PCDH15: variants seen among roughly 807,000 people sequenced by gnomAD.
PCDH15 encodes the protein protocadherin related 15.
A neutral mutation model predicts 178.5 loss-of-function variants in PCDH15; 129 were observed. The observed-to-expected ratio is 0.72, with a 90% CI of 0.63 to 0.84. PCDH15 has a LOEUF of 0.84. PCDH15 is among the 40% of genes least tolerant of loss of function. The pLI, the probability that PCDH15 is intolerant of heterozygous loss-of-function variation, is 0.00. For missense variants in PCDH15, 2,230 were observed against 2,099.9 expected, an observed-to-expected ratio of 1.06 and a Z score of -1.21; for synonymous variants, 800 against 732.0, an observed-to-expected ratio of 1.09 and a Z score of -1.50.
chr10:54,272,472 G>T (rs1040234031), intron 8 of PCDH15, among the ~76,000 whole-genome samples: 2 of 151,770 alleles, frequency 1.3e-5, no homozygotes, highest in African/African-American at 2.4e-5. Flanking sequence ...GTAATTTGAT[G>T]ACAGTGGATA....
chr10:54,057,662 T>C (rs1222490041), intron 18 of PCDH15, among the ~76,000 whole-genome samples: 1 of 152,156 alleles, frequency 6.6e-6, no homozygotes, highest in African/African-American at 2.4e-5. Context: ...CTGGAGACAT[T>C]TCCCCCATTG....
At position 54,790,689 on chromosome 10, in the gene PCDH15, A is replaced by G. The variant is rs555941603; in HGVS notation, c.-29+10236T>C. On this transcript the variant is annotated intron_variant, in intron 1 of 37. Transcript: ENST00000644397. ...ATACATGAAAAATAATAAACACTGAACAATTACACGTGAAGATATATATGT... is the reference window on the plus strand; with the variant it reads ...ATACATGAAAAATAATAAACACTGAGCAATTACACGTGAAGATATATATGT... Among the ~76,000 whole-genome samples the G allele has an allele frequency of 2.6e-5, 4 of 152,050 alleles. No individual in the cohort carries two copies. In the South Asian group the frequency reaches 8.3e-4, roughly 31 times the overall value.
chr10:54,111,078 C>T (rs888653049), intron 15 of PCDH15, among the ~76,000 whole-genome samples: 5 of 152,152 alleles, frequency 3.3e-5, no homozygotes, highest in Non-Finnish European at 7.4e-5. Flanking sequence ...GAGTATACTT[C>T]ACTAACATGG....
At chr10:53,886,420 A>G (rs1454921512) in intron 26 of PCDH15, among the ~76,000 whole-genome samples, 1 of 152,050 alleles carries the variant, frequency 6.6e-6, no homozygotes, top group African/African-American at 2.4e-5. Context: ...AATGTCCTTT[A>G]TATATTATAT....
In PCDH15 at chr10:54,647,878, G is replaced by A. The variant is rs187531711; in HGVS notation, c.91+16294C>T. On this transcript the variant is annotated intron_variant, in intron 2 of 37. Transcript: ENST00000644397. ...TAGGACCTGAGTTGGGATAGGTCCTGTTTCTTACTCCTTCTTCCCTATTAC... is the reference window on the plus strand; with the variant it reads ...TAGGACCTGAGTTGGGATAGGTCCTATTTCTTACTCCTTCTTCCCTATTAC... 3.2e-3 allele frequency among the ~76,000 whole-genome samples: 483 copies of A among 152,066 alleles called. 3 individuals are homozygous for A. The highest frequency in any genetic ancestry group is 0.014 in the Middle Eastern group (4 of 294).
chr10:54,855,166 G>T (rs537982189), intron 3 of PCDH15, among the ~76,000 whole-genome samples: 1 of 152,320 alleles, frequency 6.6e-6, no homozygotes, highest in South Asian at 2.1e-4. Context: ...GGCAGTGGTA[G>T]CAGGCATTTT....
chr10:54,416,413 A>G (rs944718411), intron 3 of PCDH15, among the ~76,000 whole-genome samples: 5 of 151,960 alleles, frequency 3.3e-5, no homozygotes, highest in East Asian at 1.9e-4. Context: ...GTTGGGCATG[A>G]TATCTTCGAG....
intron 8 of PCDH15, among the ~76,000 whole-genome samples, chr10:54,246,036 T>G (rs985119737): frequency 6.6e-6 from 1 of 151,976 alleles, no homozygotes; most frequent in South Asian, 2.1e-4. Flanking sequence ...TGACAATATA[T>G]GTAGCTTAAA....
chr10:54,860,246 C>T (rs952349923), intron 3 of PCDH15, among the ~76,000 whole-genome samples: 1 of 151,902 alleles, frequency 6.6e-6, no homozygotes, highest in Non-Finnish European at 1.5e-5. Context: ...ATTCTATCAC[C>T]CAGGTAGTGA....
At chr10:55,591,692 A>C (rs1270814646) in intron 2 of PCDH15, among the ~76,000 whole-genome samples, 1 of 152,150 alleles carries the variant, frequency 6.6e-6, no homozygotes, top group Non-Finnish European at 1.5e-5. Flanking sequence ...AGGCAGGAAA[A>C]CCTGGCTAGG....
chr10:54,524,682 T>C (rs1646400241), intron 3 of PCDH15, among the ~76,000 whole-genome samples: 1 of 152,306 alleles, frequency 6.6e-6, no homozygotes, highest in South Asian at 2.1e-4. Context: ...GATAATGTGA[T>C]CTGTTTCTCT....
intron 2 of PCDH15, among the ~76,000 whole-genome samples, chr10:54,612,945 A>G (rs2093010723): frequency 6.6e-6 from 1 of 151,860 alleles, no homozygotes; most frequent in Non-Finnish European, 1.5e-5. Context: ...AAGATAATAA[A>G]TGAAACTCTA....
chr10:54,000,088 C>A (rs1482111658), intron 20 of PCDH15, among the ~76,000 whole-genome samples: 1 of 152,172 alleles, frequency 6.6e-6, no homozygotes, highest in African/African-American at 2.4e-5. Flanking sequence ...TATCCAAGAC[C>A]ATTAAGGTAG....
chr10:54,515,617 C>A (rs7087574), intron 3 of PCDH15, among the ~76,000 whole-genome samples: 2 of 152,108 alleles, frequency 1.3e-5, no homozygotes, highest in Non-Finnish European at 2.9e-5. Flanking sequence ...TTGTCTGACA[C>A]CTTTGAAGAG....
At chr10:54,508,227 A>G (rs2081331227) in intron 3 of PCDH15, among the ~76,000 whole-genome samples, 1 of 151,970 alleles carries the variant, frequency 6.6e-6, no homozygotes, top group Non-Finnish European at 1.5e-5. Flanking sequence ...CACATCAAAA[A>G]CCTTAGCCAG....
At chr10:53,812,983 C>T (rs1441706834) in intron 35 of PCDH15, among the ~76,000 whole-genome samples, 1 of 152,114 alleles carries the variant, frequency 6.6e-6, no homozygotes, top group Non-Finnish European at 1.5e-5. Context: ...GATAAAGACC[C>T]TCAGTTGTGC....
intron 1 of PCDH15, among the ~76,000 whole-genome samples, chr10:55,211,136 A>G (rs1322580775): frequency 1.3e-5 from 2 of 152,102 alleles, no homozygotes; most frequent in East Asian, 1.9e-4. Context: ...AGATGTGATG[A>G]AGGCAGTGGT....
intron 8 of PCDH15, among the ~76,000 whole-genome samples, chr10:54,314,130 T>TACACAC (rs58949602): frequency 1.0e-4 from 15 of 149,716 alleles, no homozygotes; most frequent in South Asian, 4.3e-4. Context: ...TAATTGGAAG[T>TACACAC]ACACACACAC....
At chr10:54,408,804 G>A (rs1466204636) in intron 3 of PCDH15, among the ~76,000 whole-genome samples, 1 of 152,180 alleles carries the variant, frequency 6.6e-6, no homozygotes, top group Non-Finnish European at 1.5e-5. Context: ...CGGGGTGGAA[G>A]TGCTGTGGTT....
Sources: gnomAD v4.1 joint callset for allele counts (sites outside exome capture counted in the v4.1 genomes callset) on GRCh38, gnomAD v4.1.1 for gene constraint, MANE v1.5 for transcripts, NCBI Gene and HGNC (gene_info 2026-07-23, HGNC 2026-07-21) for gene names.